Variants in MASP1 observed in about 807,000 individuals in gnomAD.
MASP1 encodes mannan-binding lectin serine protease 1.
A neutral mutation model predicts 77.1 loss-of-function variants in MASP1; 59 were observed. The observed-to-expected ratio is 0.77, with a 90% confidence interval of 0.62 to 0.95. The LOEUF is 0.95. Ranked by LOEUF, MASP1 falls within the 40% of genes least tolerant of loss-of-function variation. The pLI is 0.00. For synonymous variants in MASP1, 362 were observed against 354.5 expected (o/e 1.02, Z -0.24); for missense variants, 885 against 912.9 (o/e 0.97, Z 0.39).
chr3:187,253,091 A>G, intron 6 of MASP1, 77 bp downstream of exon 6: 2 of 1,591,692 alleles, frequency 1.3e-6, no homozygotes, highest in Non-Finnish European at 1.7e-6. Flanking sequence ...CCAAGCCTGC[A>G]CACCTCCTCC....
intron 2 of MASP1, among the ~76,000 whole-genome samples, chr3:187,264,280 A>G (rs538731775): frequency 7.2e-4 from 109 of 152,338 alleles, no homozygotes; most frequent in Non-Finnish European, 1.4e-3. Flanking sequence ...TGGCTTTGCT[A>G]TTTATTCCTC....
chr3:187,286,055 A>C lies in MASP1; in HGVS notation c.7T>G (p.Trp3Gly). 1 of 1,612,490 alleles carries C rather than the reference A, an allele frequency of 6.2e-7. No homozygotes were observed. The highest frequency in any genetic ancestry group is 8.5e-7 in the Non-Finnish European group (1 of 1,178,524). MRWLLLYYALCFS... is the reference protein window; with the variant it reads MRGLLLYYALCFS... ...CACAGAGCATAATAGAGAAGCAGCC[A>C]CCTGAAAGACATGAATGTAGGTCTA... The change falls in exon 2 of 11, where the codon TGG (tryptophan) becomes GGG (glycine). Residue 3 changes from tryptophan (W) to glycine (G), a missense_variant and splice_region_variant. Trp to Gly is a radical substitution (Grantham distance 184). Transcript: ENST00000296280.
At chr3:187,275,867 T>A (rs1716924254) in intron 2 of MASP1, among the ~76,000 whole-genome samples, 1 of 150,036 alleles carries the variant, frequency 6.7e-6, no homozygotes, top group Non-Finnish European at 1.5e-5. Flanking sequence ...ACATTAATAC[T>A]CTGAGCATCA....
intron 1 of MASP1, among the ~76,000 whole-genome samples, chr3:187,290,067 T>A (rs1223137006): frequency 1.3e-5 from 2 of 152,176 alleles, no homozygotes; most frequent in Non-Finnish European, 2.9e-5. Context: ...GAAATAGACA[T>A]TATGCTAGGT....
In MASP1 at chr3:187,235,076, C is replaced by CT; in HGVS notation, c.*607dup. The CT allele has an allele frequency of 7.8e-7, 1 of 1,287,280 alleles. No homozygotes were observed. Among genetic ancestry groups the CT allele is most frequent in the South Asian group, 1.2e-5 (1 of 80,936 alleles). The allele number at this position is 1,287,280 out of a possible 1,614,324, so 79.7% of individuals were successfully genotyped here. ...GGGAACATAAGGGATAAGGCTTAGA[C>CT]TGCAAGAAGCTTTTGGGAGAGAAAC... On this transcript the variant is annotated 3_prime_UTR_variant, in exon 11 of 11. Transcript: ENST00000296280.
chr3:187,285,706 C>T (rs1211616524), intron 2 of MASP1, 119 bp downstream of exon 2: 15 of 807,850 alleles, frequency 1.9e-5, no homozygotes, highest in East Asian at 2.6e-5. Flanking sequence ...GAATTCATAC[C>T]ATTGTGATGT....
chr3:187,234,457 A>G lies in MASP1; in HGVS notation c.*1227T>C, dbSNP rs1459637968. 2 of 1,285,660 alleles carry G rather than the reference A, an allele frequency of 1.6e-6. No homozygotes were observed. Among genetic ancestry groups the G allele is most frequent in the East Asian group, 5.5e-5 (1 of 18,020 alleles). 79.6% of individuals were successfully genotyped at this position (1,285,660 alleles called of 1,614,324 possible). A position where few individuals can be genotyped will look rare whatever the true frequency, so the allele number is the denominator to read the frequency against. ...TATGCCAGCCTGTTGCTGACGGAGA[A>G]CCAGAGACTCAGACAAAGAAAATGA... On this transcript the variant is annotated 3_prime_UTR_variant, in exon 11 of 11. Coordinates refer to ENST00000296280, the MANE Select transcript of MASP1 (RefSeq NM_139125.4).
At chr3:187,290,013 A>G (rs1718180867) in intron 1 of MASP1, among the ~76,000 whole-genome samples, 2 of 152,230 alleles carry the variant, frequency 1.3e-5, no homozygotes, top group African/African-American at 4.8e-5. Flanking sequence ...TGGCTATTCA[A>G]AAATTGAATT....
intron 2 of MASP1, among the ~76,000 whole-genome samples, chr3:187,280,969 G>A (rs1717360250): frequency 6.6e-6 from 1 of 152,172 alleles, no homozygotes; most frequent in Non-Finnish European, 1.5e-5. Context: ...GAAAGAGGAG[G>A]AAACAGAGTC....
chr3:187,285,131 A>G (rs1318270068), intron 2 of MASP1, among the ~76,000 whole-genome samples: 4 of 145,030 alleles, frequency 2.8e-5, no homozygotes, highest in African/African-American at 1.0e-4. Flanking sequence ...TCACTTTAAA[A>G]GAAGAACAGC....
intron 10 of MASP1, among the ~76,000 whole-genome samples, chr3:187,240,961 T>C (rs1052757329): frequency 6.6e-6 from 1 of 152,194 alleles, no homozygotes; most frequent in Admixed American, 6.5e-5. Flanking sequence ...AAAGCAAATA[T>C]CCTCAAAATC....
chr3:187,257,011 T>C, intron 4 of MASP1, 151 bp from the exon 5 acceptor site: 1 of 717,270 alleles, frequency 1.4e-6, no homozygotes, highest in South Asian at 1.6e-5. Context: ...AAAATGAAGC[T>C]CAAGGTCGCA....
At chr3:187,231,564 C>T (rs1579470693), downstream of MASP1, among the ~76,000 whole-genome samples, 1 of 152,176 alleles carries the variant, frequency 6.6e-6, no homozygotes, top group South Asian at 2.1e-4. Flanking sequence ...GTCTCTGAGA[C>T]CATAAATGGA....
intron 7 of MASP1, among the ~76,000 whole-genome samples, chr3:187,251,216 T>G (rs2108540025): frequency 6.6e-6 from 1 of 152,256 alleles, no homozygotes; most frequent in East Asian, 1.9e-4. Flanking sequence ...CGCCTGGGCC[T>G]CCCAAAGTGC....
chr3:187,268,807 C>T (rs935271827), intron 2 of MASP1, among the ~76,000 whole-genome samples: 1 of 152,172 alleles, frequency 6.6e-6, no homozygotes, highest in African/African-American at 2.4e-5. Flanking sequence ...TGGCTTACGC[C>T]TGTAATCCCA....
At chr3:187,247,167 C>G in intron 8 of MASP1, 1 of 1,504,338 alleles carries the variant, frequency 6.6e-7, no homozygotes, top group Non-Finnish European at 8.9e-7. Flanking sequence ...CTTTCACACA[C>G]GTAGCAGCTT....
chr3:187,225,814 C>T (rs969985397), intron 12 of MASP1, among the ~76,000 whole-genome samples: 9 of 152,222 alleles, frequency 5.9e-5, no homozygotes, highest in African/African-American at 1.9e-4. Context: ...ATGACCTCCT[C>T]CAGGTAGCCT....
chr3:187,222,155 T>C (rs1712098163), intron 14 of MASP1, among the ~76,000 whole-genome samples: 1 of 152,214 alleles, frequency 6.6e-6, no homozygotes, highest in African/African-American at 2.4e-5. Flanking sequence ...TCAGGTATCA[T>C]TTCAGCATCA....
In MASP1 at chr3:187,235,539, G is replaced by A. The variant is rs185663737; in HGVS notation, c.*145C>T. The A allele has an allele frequency of 1.2e-5, 19 of 1,539,198 alleles. No homozygotes were observed. The African/African-American group carries it at 2.5e-4, about 20-fold the overall frequency. ...CCTATACCACACTCTGCCTCTCAGG[G>A]TCCTGGGGGCTGTCTCGGTAGGAGA... On this transcript the variant is annotated 3_prime_UTR_variant, in exon 11 of 11. Coordinates refer to ENST00000296280, the MANE Select transcript of MASP1 (RefSeq NM_139125.4).
Sources: gnomAD v4.1 joint callset for allele counts (sites outside exome capture counted in the v4.1 genomes callset) on GRCh38, gnomAD v4.1.1 for gene constraint, MANE v1.5 for transcripts, NCBI Gene and HGNC (gene_info 2026-07-23, HGNC 2026-07-21) for gene names.